CLEC4G: variants seen among roughly 807,000 people sequenced by gnomAD.
The protein encoded by CLEC4G is C-type lectin domain family 4 member G.
Under a neutral mutation model 37.0 loss-of-function variants are expected in CLEC4G, and 34 were observed. The ratio of observed to expected loss-of-function variants is 0.92; its 90% CI spans 0.70 to 1.22. The LOEUF (loss-of-function observed/expected upper bound fraction) is 1.22, where lower values mean the gene tolerates loss of function less well. Among genes scored for constraint, CLEC4G ranks in the 50% most tolerant of loss-of-function variants. CLEC4G has a pLI of 0.00. For synonymous variants in CLEC4G, 167 were observed against 165.6 expected, an observed-to-expected ratio of 1.01 and a Z score of -0.06; for missense variants, 390 against 392.9, an observed-to-expected ratio of 0.99 and a Z score of 0.06.
chr19:7,731,205 G>T, intron 3 of CLEC4G, 61 bp downstream of exon 3: 1 of 1,571,098 alleles, frequency 6.4e-7, no homozygotes, highest in South Asian at 1.1e-5. Flanking sequence ...TCCATCTCCG[G>T]GGTCTCAGAA....
At position 7,731,085 on chromosome 19, in the gene CLEC4G, G is replaced by A; in HGVS notation, c.224C>T (p.Ser75Leu). ...GGCACCCAGCGCCGCCGTCTGCTTCGAGGCTGGAACGACCCCCGCCCCAAA... is the reference window on the plus strand; with the variant it reads ...GGCACCCAGCGCCGCCGTCTGCTTCAAGGCTGGAACGACCCCCGCCCCAAA... The part of the protein sequence containing the change: ...DGHDLLRTNA[S>L]KQTAALGALK... The change falls in exon 4 of 9, where the codon TCG (serine) becomes TTG (leucine). Residue 75 changes from serine to leucine, a missense_variant. Physicochemically the swap from Ser to Leu is moderately radical, Grantham distance 145. Transcript: ENST00000328853. The A allele has an allele frequency of 6.2e-7, 1 of 1,605,868 alleles. No homozygotes were observed. The highest frequency in any genetic ancestry group is 8.5e-7 in the Non-Finnish European group (1 of 1,179,680).
rs1190074239 is a variant in CLEC4G at position 7,731,258 on chromosome 19, G to T, written c.220+8C>A. The T allele has an allele frequency of 1.3e-6, 2 of 1,591,640 alleles. No homozygotes were observed. The highest frequency in any genetic ancestry group is 2.7e-5 in the African/African-American group (2 of 74,818). ...CCCGGGGGCCCAGGCGCCCGGCTCT[G>T]CACACACCGTTTGTCCTCAGCAGGT... On this transcript the variant is annotated splice_region_variant and intron_variant, in intron 3 of 8. Coordinates refer to ENST00000328853, the MANE Select transcript of CLEC4G (RefSeq NM_198492.4).
rs1037685594 is a variant in CLEC4G at position 7,731,018 on chromosome 19, C to A, written c.283+8G>T. ...CCTGCGCCCACAGCCTCGACCGCGCCCCCTCACAGCAGCTGTGGCAGTCTC... is the reference window on the plus strand; with the variant it reads ...CCTGCGCCCACAGCCTCGACCGCGCACCCTCACAGCAGCTGTGGCAGTCTC... On this transcript the variant is annotated splice_region_variant and intron_variant, in intron 4 of 8. Transcript: ENST00000328853. 6.2e-7 allele frequency: 1 copy of A among 1,600,646 alleles called. No homozygotes were observed. Among genetic ancestry groups the A allele is most frequent in the Non-Finnish European group, 8.5e-7 (1 of 1,178,400 alleles).
intron 2 of CLEC4G, 83 bp downstream of exon 2, chr19:7,731,578 G>A: frequency 1.3e-6 from 2 of 1,543,758 alleles, no homozygotes; most frequent in Non-Finnish European, 1.8e-6. Flanking sequence ...AGGACCCCAG[G>A]ATGCAGCTGG....
chr19:7,730,151 G>T lies in CLEC4G; in HGVS notation c.495C>A (p.Cys165Ter), dbSNP rs775302612. 1.2e-6 allele frequency: 2 copies of T among 1,612,522 alleles called. No homozygotes were observed. Among genetic ancestry groups the T allele is most frequent in the Admixed American group, 1.7e-5 (1 of 59,936 alleles). ...CCTCGAAGGACAGCCACGACGTGGG[G>T]CACGGCTCGCAGGAGTCTGCGGGGT... ...VRLQNNSCEP[C>*]PTSWLSFEGS... Residue 165 changes from cysteine to a stop codon, truncating the protein, a stop_gained, in exon 7 of 9, where the codon TGC becomes TGA. Coordinates refer to ENST00000328853, the MANE Select transcript of CLEC4G (RefSeq NM_198492.4). LOFTEE classifies it high-confidence loss of function. This position sits in a 1 kb window ranked among gnomAD's most constrained non-coding sequence, Gnocchi z 7.3.
In CLEC4G at chr19:7,731,040, T is replaced by G. The variant is rs767173949; in HGVS notation, c.269A>C (p.Asp90Ala). Residue 90 changes from aspartate to alanine, a missense_variant, in exon 4 of 9, where the codon GAC becomes GCC. Transcript: ENST00000328853. ...CGCCCCCTCACAGCAGCTGTGGCAG[T>G]CTCCGACCTCCTCCTTCAGGGCACC... ...ALGALKEEVG[D>A]CHSCCSGTQA... is the part of the protein sequence containing the mutation. The G allele has an allele frequency of 1.8e-5, 29 of 1,603,234 alleles. No homozygotes were observed. Among genetic ancestry groups the G allele is most frequent in the African/African-American group, 2.7e-5 (2 of 74,438 alleles).
chr19:7,732,106 G>T lies in CLEC4G; in HGVS notation c.-4C>A. On this transcript the variant is annotated 5_prime_UTR_variant, in exon 1 of 9. Transcript: ENST00000328853. ...TGCTGTACCTGGTGGTGTCCATGGCGATGCAGGCACCCAGTCCTGGGCAGA... is the reference window on the plus strand; with the variant it reads ...TGCTGTACCTGGTGGTGTCCATGGCTATGCAGGCACCCAGTCCTGGGCAGA... 1.3e-6 allele frequency: 2 copies of T among 1,593,868 alleles called. No individual in the cohort carries two copies. The highest frequency in any genetic ancestry group is 1.7e-6 in the Non-Finnish European group (2 of 1,161,410).
chr19:7,731,136 A>G, intron 3 of CLEC4G, 48 bp from the exon 4 acceptor site: 1 of 1,600,986 alleles, frequency 6.2e-7, no homozygotes, highest in Non-Finnish European at 8.5e-7. Context: ...GTCACTTGGG[A>G]GGACTCAGGG....
Position 7,729,425 on chromosome 19 carries a change from C to G in CLEC4G, c.823G>C (p.Asp275His), listed in dbSNP as rs752077062. 1.2e-6 allele frequency: 2 copies of G among 1,601,582 alleles called. No homozygotes were observed. The highest frequency in any genetic ancestry group is 8.6e-7 in the Non-Finnish European group (1 of 1,168,676). ...VMMLHTGLWN[D>H]APCDSEKDGW... ...TCCTTCTCGCTGTCACACGGTGCGT[C>G]GTTCCACAGCCCCGTGTGCAGCATC... Residue 275 changes from aspartate (D) to histidine (H), a missense_variant, in exon 9 of 9, where the codon GAC becomes CAC. Coordinates refer to ENST00000328853, the MANE Select transcript of CLEC4G (RefSeq NM_198492.4).
At position 7,730,276 on chromosome 19, in the gene CLEC4G, A is replaced by T. The variant is rs2033408050; in HGVS notation, c.478+75T>A. On this transcript the variant is annotated intron_variant, in intron 6 of 8. Transcript: ENST00000328853. The surrounding 1 kb of genome is among the most constrained non-coding windows in gnomAD (Gnocchi z 7.3). Reference sequence around the variant, plus strand: ...GCGGGCTCAGGGGTGGAGACACAGAACCAGGCCAAGGTCCAGGAGTGACAG... The same window carrying T: ...GCGGGCTCAGGGGTGGAGACACAGATCCAGGCCAAGGTCCAGGAGTGACAG... 4 of 1,572,832 alleles carry T rather than the reference A, an allele frequency of 2.5e-6. No individual in the cohort carries two copies. The South Asian group carries it at 4.6e-5, about 18-fold the overall frequency.
chr19:7,730,139 C>T lies in CLEC4G; in HGVS notation c.507G>A (p.Trp169Ter), dbSNP rs770488586. The change falls in exon 7 of 9, where the codon TGG (tryptophan) becomes TGA (stop). Residue 169 changes from tryptophan to a stop codon, truncating the protein, a stop_gained. Transcript: ENST00000328853. LOFTEE classifies it high-confidence loss of function. The surrounding 1 kb of genome is among the most constrained non-coding windows in gnomAD (Gnocchi z 7.3). ...AGTAGCAGGAGCCCTCGAAGGACAG[C>T]CACGACGTGGGGCACGGCTCGCAGG... is the stretch of plus-strand genomic sequence containing the variant. ...NNSCEPCPTS[W>*]LSFEGSCYFF... is the part of the protein sequence containing the mutation. 6.2e-7 allele frequency: 1 copy of T among 1,612,768 alleles called. No homozygotes were observed.
chr19:7,730,661 G>A lies in CLEC4G; in HGVS notation c.388+94C>T, dbSNP rs895471984. The A allele has an allele frequency of 5.4e-6, 8 of 1,469,378 alleles. No individual in the cohort carries two copies. The highest frequency in any genetic ancestry group is 7.2e-6 in the Non-Finnish European group (8 of 1,113,288). 91.0% of individuals were successfully genotyped at this position (1,469,378 alleles called of 1,614,324 possible). On this transcript the variant is annotated intron_variant, in intron 5 of 8. Transcript: ENST00000328853. The surrounding 1 kb of genome is among the most constrained non-coding windows in gnomAD (Gnocchi z 7.3). ...AGTGCAGCGTCAGGGTCAGGACGGG[G>A]TGCATGATCGGGGTCGGGGGTCAGC...
In CLEC4G at chr19:7,731,778, T is replaced by G. The variant is rs377590116; in HGVS notation, c.56-7A>C. On this transcript the variant is annotated splice_region_variant and splice_polypyrimidine_tract_variant and intron_variant, in intron 1 of 8. Coordinates refer to ENST00000328853, the MANE Select transcript of CLEC4G (RefSeq NM_198492.4). ...ACCCAGCGTCCCCAGGGCCCTGGCA[T>G]AACAAGGACGGCATGCTGGGTCCCC... is the stretch of plus-strand genomic sequence containing the variant. 1.2e-6 allele frequency: 2 copies of G among 1,611,152 alleles called. No individual in the cohort carries two copies. Among genetic ancestry groups the G allele is most frequent in the African/African-American group, 2.7e-5 (2 of 74,862 alleles).
At chr19:7,731,591 C>A (rs1011514203) in intron 2 of CLEC4G, 70 bp downstream of exon 2, 17 of 1,564,302 alleles carry the variant, frequency 1.1e-5, no homozygotes, top group Non-Finnish European at 1.4e-5. Context: ...GCAGCTGGTG[C>A]GCCATGCAGT....
Position 7,729,512 on chromosome 19 carries a change from G to A in CLEC4G, c.744-8C>T, listed in dbSNP as rs776157958. On this transcript the variant is annotated splice_region_variant and splice_polypyrimidine_tract_variant and intron_variant, in intron 8 of 8. Transcript: ENST00000328853. The stretch of plus-strand genomic sequence containing the variant: ...TCTCCCTGGTTCCAGTGGCTACAGG[G>A]GGGTTGAGTGGGGGTGTTGCTGGGA... 4 of 1,580,870 alleles carry A rather than the reference G, an allele frequency of 2.5e-6. No individual in the cohort carries two copies. Among genetic ancestry groups the A allele is most frequent in the Non-Finnish European group, 2.6e-6 (3 of 1,158,364 alleles).
rs768143311 is a variant in CLEC4G, at chr19:7,729,325, G to A, written c.*41C>T. The A allele has an allele frequency of 9.8e-6, 14 of 1,422,962 alleles. No homozygotes were observed. The highest frequency in any genetic ancestry group is 1.4e-5 in the Non-Finnish European group (14 of 1,010,610). The allele number at this position is 1,422,962 out of a possible 1,614,324, so 88.1% of individuals were successfully genotyped here. On this transcript the variant is annotated 3_prime_UTR_variant, in exon 9 of 9. Transcript: ENST00000328853. The stretch of plus-strand genomic sequence containing the variant: ...GGGAGGTGAGCAGCCCCCAGGATAC[G>A]ACATGCTGCAATGGGCGCGGCTCCA...
rs2146299841 is a variant in CLEC4G at position 7,730,313 on chromosome 19, G to A, written c.478+38C>T. The A allele has an allele frequency of 6.3e-7, 1 of 1,585,326 alleles. No individual in the cohort carries two copies. The highest frequency in any genetic ancestry group is 2.2e-5 in the East Asian group (1 of 44,706). On this transcript the variant is annotated intron_variant, in intron 6 of 8. Coordinates refer to ENST00000328853, the MANE Select transcript of CLEC4G (RefSeq NM_198492.4). The surrounding 1 kb of genome is among the most constrained non-coding windows in gnomAD (Gnocchi z 7.3). ...TCCAGGAGTGACAGGGTCCGCTTAC[G>A]CCCTCACAGCCCGCCCCCGACCCCC...
At position 7,731,102 on chromosome 19, in the gene CLEC4G, C is replaced by T. The variant is rs1409157893; in HGVS notation, c.221-14G>A. 4 of 1,605,094 alleles carry T rather than the reference C, an allele frequency of 2.5e-6. No homozygotes were observed. Among genetic ancestry groups the T allele is most frequent in the Non-Finnish European group, 3.4e-6 (4 of 1,179,584 alleles). ...TCTGCTTCGAGGCTGGAACGACCCC[C>T]GCCCCAAAATGCATGCCCCTCGGGT... is the stretch of plus-strand genomic sequence containing the variant. On this transcript the variant is annotated splice_polypyrimidine_tract_variant and intron_variant, in intron 3 of 8. Coordinates refer to ENST00000328853, the MANE Select transcript of CLEC4G (RefSeq NM_198492.4).
In CLEC4G at chr19:7,730,188, G is replaced by A. The variant is rs1347841212; in HGVS notation, c.479-21C>T. The A allele has an allele frequency of 1.9e-6, 3 of 1,608,882 alleles. No homozygotes were observed. Among genetic ancestry groups the A allele is most frequent in the African/African-American group, 1.3e-5 (1 of 74,868 alleles). ...GGAGTCTGCGGGGTGGCGAGGGTCA[G>A]AGAGGTCGCGTGCTTCCAGGGGCAA... On this transcript the variant is annotated intron_variant, in intron 6 of 8. Coordinates refer to ENST00000328853, the MANE Select transcript of CLEC4G (RefSeq NM_198492.4). This position sits in a 1 kb window ranked among gnomAD's most constrained non-coding sequence, Gnocchi z 7.3.
Sources: gnomAD v4.1 joint callset for allele counts on GRCh38, gnomAD v4.1.1 for gene constraint, Gnocchi (gnomAD v3.1) non-coding constraint, MANE v1.5 for transcripts, NCBI Gene and HGNC (gene_info 2026-07-23, HGNC 2026-07-21) for gene names.